Variants in LRRTM4 observed in about 807,000 individuals in gnomAD.
LRRTM4 encodes leucine-rich repeat transmembrane neuronal protein 4.
LRRTM4 carries 25 observed loss-of-function variants against 47.6 expected under a neutral mutation model. The observed-to-expected ratio is 0.53, with a 90% CI of 0.38 to 0.73. The LOEUF is 0.73. LRRTM4 is among the 30% of genes least tolerant of loss of function. The pLI, the probability that LRRTM4 is intolerant of heterozygous loss-of-function variation, is 0.00. For missense variants in LRRTM4, 638 were observed against 713.4 expected (o/e 0.89, Z 1.20); for synonymous variants, 311 against 269.5 (o/e 1.15, Z -1.51).
chr2:77,180,328 C>A (rs1243372975), intron 3 of LRRTM4, among the ~76,000 whole-genome samples: 2 of 152,018 alleles, frequency 1.3e-5, no homozygotes, highest in Non-Finnish European at 2.9e-5. Context: ...TTATGACATC[C>A]CTGCTGGTCT....
intron 3 of LRRTM4, among the ~76,000 whole-genome samples, chr2:77,011,956 A>G (rs1677892073): frequency 1.3e-5 from 2 of 152,018 alleles, no homozygotes; most frequent in African/African-American, 2.4e-5. Flanking sequence ...ATACCACCCC[A>G]CATTTACAAG....
chr2:76,755,757 G>A (rs1426719905), intron 3 of LRRTM4, among the ~76,000 whole-genome samples: 1 of 152,086 alleles, frequency 6.6e-6, no homozygotes, highest in African/African-American at 2.4e-5. Flanking sequence ...CAGGGTTCAC[G>A]TTATAGAATA....
intron 3 of LRRTM4, among the ~76,000 whole-genome samples, chr2:77,012,122 A>T (rs1206629775): frequency 6.6e-6 from 1 of 152,148 alleles, no homozygotes; most frequent in Non-Finnish European, 1.5e-5. Flanking sequence ...GAAACCATAC[A>T]GGGAATGAAT....
At chr2:76,965,673 G>A (rs1676001555) in intron 3 of LRRTM4, among the ~76,000 whole-genome samples, 1 of 151,190 alleles carries the variant, frequency 6.6e-6, no homozygotes, top group Non-Finnish European at 1.5e-5. Flanking sequence ...AGTAATTCTT[G>A]GTTCTACTAC....
At chr2:77,241,006 AT>A (rs1278005488) in intron 3 of LRRTM4, among the ~76,000 whole-genome samples, 1 of 152,004 alleles carries the variant, frequency 6.6e-6, no homozygotes, top group East Asian at 1.9e-4. Context: ...GAATACATAC[AT>A]TTTTAACCAA....
intron 3 of LRRTM4, among the ~76,000 whole-genome samples, chr2:76,905,870 T>G: frequency 6.6e-6 from 1 of 152,080 alleles, no homozygotes; most frequent in Non-Finnish European, 1.5e-5. Context: ...CTACATCTGA[T>G]TGGTGTACCT....
intron 3 of LRRTM4, among the ~76,000 whole-genome samples, chr2:76,928,060 C>A (rs1031495894): frequency 6.6e-6 from 1 of 152,088 alleles, no homozygotes; most frequent in African/African-American, 2.4e-5. Context: ...AGAGAATGTG[C>A]CCTTCCAATT....
chr2:76,948,833 G>A (rs1199637593), intron 3 of LRRTM4, among the ~76,000 whole-genome samples: 3 of 151,688 alleles, frequency 2.0e-5, no homozygotes, highest in Non-Finnish European at 4.4e-5. Context: ...AATGAAATTT[G>A]GGGCTCATAA....
intron 3 of LRRTM4, among the ~76,000 whole-genome samples, chr2:76,821,593 G>A (rs1671054282): frequency 1.3e-5 from 2 of 151,622 alleles, no homozygotes; most frequent in Admixed American, 6.6e-5. Context: ...AGGAAACAGG[G>A]TAAAATAAAA....
At chr2:76,764,799 T>C (rs1673393645) in intron 3 of LRRTM4, among the ~76,000 whole-genome samples, 1 of 152,122 alleles carries the variant, frequency 6.6e-6, no homozygotes, top group South Asian at 2.1e-4. Context: ...GTTTTCCTTC[T>C]AGAAAAGGGA....
chr2:77,307,001 A>G (rs999475242), intron 3 of LRRTM4, among the ~76,000 whole-genome samples: 1 of 143,670 alleles, frequency 7.0e-6, no homozygotes, highest in African/African-American at 2.7e-5. Flanking sequence ...CCGGGTTCAC[A>G]CCATTCTCCT....
At chr2:76,830,099 A>T (rs1271614315) in intron 3 of LRRTM4, among the ~76,000 whole-genome samples, 1 of 152,010 alleles carries the variant, frequency 6.6e-6, no homozygotes, top group African/African-American at 2.4e-5. Context: ...CAGAAAAAAA[A>T]CACCTCATCA....
chr2:77,118,762 C>T (rs35981600), intron 3 of LRRTM4, among the ~76,000 whole-genome samples: 52,123 of 151,490 alleles, frequency 0.34, 10,040 homozygotes, highest in Middle Eastern at 0.44. Flanking sequence ...ACAAGTTATT[C>T]AAATTTTTAG....
intron 3 of LRRTM4, among the ~76,000 whole-genome samples, chr2:77,508,172 C>T (rs1280421398): frequency 1.3e-5 from 2 of 152,108 alleles, no homozygotes; most frequent in Admixed American, 1.3e-4. Context: ...AAAATGTATA[C>T]TGTTAAACTT....
At chr2:76,949,254 A>G (rs80235067) in intron 3 of LRRTM4, among the ~76,000 whole-genome samples, 91 of 152,052 alleles carry the variant, frequency 6.0e-4, no homozygotes, top group Non-Finnish European at 1.0e-3. Context: ...ATGAGTTCAA[A>G]TAAATGAATA....
chr2:77,044,627 CTA>C (rs143971155), intron 3 of LRRTM4, among the ~76,000 whole-genome samples: 43 of 150,182 alleles, frequency 2.9e-4, no homozygotes, highest in African/African-American at 9.7e-4. Flanking sequence ...TTTTTTTTGG[CTA>C]TATATATATA....
chr2:77,332,358 A>C (rs528442258), intron 3 of LRRTM4, among the ~76,000 whole-genome samples: 48 of 152,222 alleles, frequency 3.2e-4, no homozygotes, highest in Admixed American at 7.9e-4. Flanking sequence ...CAGGAGCTAC[A>C]TAATTAGTAC....
chr2:76,749,632 G>A (rs1672779268), intron 3 of LRRTM4, among the ~76,000 whole-genome samples: 1 of 152,140 alleles, frequency 6.6e-6, no homozygotes, highest in South Asian at 2.1e-4. Flanking sequence ...AGCCAAATAT[G>A]TGTCTAATGT....
intron 3 of LRRTM4, among the ~76,000 whole-genome samples, chr2:76,958,765 A>T (rs1180539143): frequency 6.6e-6 from 1 of 151,794 alleles, no homozygotes; most frequent in Non-Finnish European, 1.5e-5. Context: ...TAGTGGGATT[A>T]GAATTACCAT....
Sources: gnomAD v4.1 joint callset for allele counts (sites outside exome capture counted in the v4.1 genomes callset) on GRCh38, gnomAD v4.1.1 for gene constraint, MANE v1.5 for transcripts, NCBI Gene and HGNC (gene_info 2026-07-23, HGNC 2026-07-21) for gene names.